ZBTB20: variants seen among roughly 807,000 people sequenced by gnomAD.
ZBTB20 encodes the protein zinc finger and BTB domain containing 20.
ZBTB20 carries 9 observed loss-of-function variants against 56.9 expected under a neutral mutation model. The ratio of observed to expected loss-of-function variants is 0.16; its 90% CI spans 0.10 to 0.28. ZBTB20 has a LOEUF of 0.28. ZBTB20 is among the 10% of genes least tolerant of loss of function. The pLI is 1.00. For missense variants in ZBTB20, 655 were observed against 1,003.0 expected, an observed-to-expected ratio of 0.65 and a Z score of 4.69; for synonymous variants, 417 against 420.7, an observed-to-expected ratio of 0.99 and a Z score of 0.11.
intron 7 of ZBTB20, among the ~76,000 whole-genome samples, chr3:114,431,868 C>A (rs2090147976): frequency 6.6e-6 from 1 of 152,076 alleles, no homozygotes; most frequent in Admixed American, 6.6e-5. Flanking sequence ...AAAGATTTGT[C>A]CATGTTGGAA....
intron 1 of ZBTB20, among the ~76,000 whole-genome samples, chr3:115,092,495 C>A (rs1216412200): frequency 1.3e-5 from 2 of 152,128 alleles, no homozygotes; most frequent in African/African-American, 4.8e-5. Context: ...AATATTATAT[C>A]ATGCCTATAT....
At chr3:114,767,087 G>A (rs2068840164) in intron 5 of ZBTB20, among the ~76,000 whole-genome samples, 1 of 151,900 alleles carries the variant, frequency 6.6e-6, no homozygotes, top group South Asian at 2.1e-4. Context: ...AATTATATCA[G>A]CAAATATAAG....
At chr3:114,510,673 A>C (rs1162964743) in intron 6 of ZBTB20, among the ~76,000 whole-genome samples, 1 of 152,138 alleles carries the variant, frequency 6.6e-6, no homozygotes. Context: ...ATTGCATTGC[A>C]TCCGAGGGTG....
At chr3:114,393,778 T>G (rs770333297) in intron 7 of ZBTB20, among the ~76,000 whole-genome samples, 1 of 152,230 alleles carries the variant, frequency 6.6e-6, no homozygotes, top group African/African-American at 2.4e-5. Context: ...TTGTCTCTGC[T>G]TCTTACATCA....
chr3:114,805,534 T>C (rs971345785), intron 4 of ZBTB20, among the ~76,000 whole-genome samples: 73 of 151,976 alleles, frequency 4.8e-4, no homozygotes, highest in African/African-American at 1.5e-3. Flanking sequence ...TCTCGGGGTA[T>C]GTTAACCTTG....
chr3:114,759,875 CCAAA>C (rs1326056591), intron 5 of ZBTB20, among the ~76,000 whole-genome samples: 4 of 152,030 alleles, frequency 2.6e-5, no homozygotes, highest in African/African-American at 9.7e-5. Flanking sequence ...AACAAAGCCA[CCAAA>C]CAGATAGTGT....
intron 6 of ZBTB20, among the ~76,000 whole-genome samples, chr3:114,597,235 G>C (rs1323917596): frequency 6.6e-6 from 1 of 152,060 alleles, no homozygotes; most frequent in Non-Finnish European, 1.5e-5. Flanking sequence ...TTTATTGCAC[G>C]ATATTAAGGG....
chr3:114,787,700 T>C (rs551629070), intron 5 of ZBTB20, among the ~76,000 whole-genome samples: 3 of 152,000 alleles, frequency 2.0e-5, no homozygotes, highest in Non-Finnish European at 4.4e-5. Flanking sequence ...TACCAAGAAG[T>C]TTATTAATGT....
intron 6 of ZBTB20, among the ~76,000 whole-genome samples, chr3:114,509,429 G>C (rs1260850906): frequency 6.6e-6 from 1 of 151,108 alleles, no homozygotes; most frequent in South Asian, 2.1e-4. Context: ...GTGTGTGGTG[G>C]TGGTGGTGGT....
chr3:114,979,381 A>T (rs557369643), intron 2 of ZBTB20, among the ~76,000 whole-genome samples: 3 of 152,068 alleles, frequency 2.0e-5, no homozygotes, highest in Non-Finnish European at 4.4e-5. Flanking sequence ...AGTTTAAAGT[A>T]AGCAAATTTT....
intron 1 of ZBTB20, among the ~76,000 whole-genome samples, chr3:115,082,174 T>C (rs1050982484): frequency 2.0e-5 from 3 of 152,226 alleles, no homozygotes; most frequent in Admixed American, 2.0e-4. Context: ...AACAGACCTC[T>C]AATTTGAAAA....
intron 10 of ZBTB20, among the ~76,000 whole-genome samples, chr3:114,360,358 T>TTTTTTAGAC (rs1553798291): frequency 1.3e-5 from 2 of 150,562 alleles, no homozygotes; most frequent in Non-Finnish European, 3.0e-5. Context: ...TTTTTTTTTT[T>TTTTTTAGAC]TTTGAGACGG....
intron 7 of ZBTB20, among the ~76,000 whole-genome samples, chr3:114,460,294 C>T (rs980324855): frequency 1.3e-5 from 2 of 151,910 alleles, no homozygotes; most frequent in Admixed American, 6.6e-5. Context: ...GAGGAATGGC[C>T]CCCCCCAAAA....
chr3:114,737,250 CA>C (rs771964319), intron 5 of ZBTB20, among the ~76,000 whole-genome samples: 4 of 152,194 alleles, frequency 2.6e-5, no homozygotes, highest in East Asian at 3.9e-4. Context: ...TGTAGAGAAA[CA>C]TTTTTTTGAA....
intron 10 of ZBTB20, among the ~76,000 whole-genome samples, chr3:114,371,054 C>A (rs138059727): frequency 4.9e-4 from 74 of 152,216 alleles, no homozygotes; most frequent in Non-Finnish European, 1.0e-3. Context: ...TCCAGTTGCT[C>A]CTTCTCACAT....
chr3:115,132,384 C>T (rs556212016), intron 1 of ZBTB20, among the ~76,000 whole-genome samples: 22 of 152,146 alleles, frequency 1.4e-4, no homozygotes, highest in Admixed American at 1.4e-3. Flanking sequence ...TATCCAACTA[C>T]CTTATCAATT....
intron 6 of ZBTB20, among the ~76,000 whole-genome samples, chr3:114,506,332 G>C (rs1001511711): frequency 2.0e-5 from 3 of 151,966 alleles, no homozygotes; most frequent in Non-Finnish European, 4.4e-5. Flanking sequence ...ATTAGGTCTG[G>C]GACTGCTTCT....
intron 4 of ZBTB20, among the ~76,000 whole-genome samples, chr3:114,858,829 T>G (rs2075361088): frequency 6.6e-6 from 1 of 152,174 alleles, no homozygotes; most frequent in South Asian, 2.1e-4. Flanking sequence ...TTTAGTGGAA[T>G]CTACTTTACT....
Position 114,350,692 on chromosome 3 carries a change from G to C in ZBTB20, c.1386C>G (p.Val462=). Residue 462 remains valine, a synonymous_variant, in exon 11 of 12, where the codon GTC becomes GTG. Coordinates refer to ENST00000675478, the MANE Select transcript of ZBTB20 (RefSeq NM_001348800.3). ...GCAATGGCTGCCCGATGGACGTGTT[G>C]ACCGAAGGCTGTTGTAGGACGCTCT... ...SDKSVLQQPS[V]NTSIGQPLPS... 1 of 1,614,208 alleles carries C rather than the reference G, an allele frequency of 6.2e-7. No individual in the cohort carries two copies. Among genetic ancestry groups the C allele is most frequent in the East Asian group, 2.2e-5 (1 of 44,874 alleles).
Sources: allele counts gnomAD v4.1 joint callset (sites outside exome capture counted in the v4.1 genomes callset), GRCh38; gene constraint gnomAD v4.1.1; transcripts MANE v1.5; gene names NCBI Gene and HGNC (gene_info 2026-07-23, HGNC 2026-07-21).